The following EPHA5 variants were observed in gnomAD, a reference collection of about 807,000 sequenced individuals.
EPHA5 encodes the protein ephrin type-A receptor 5.
EPHA5 carries 60 observed loss-of-function variants against 105.0 expected under a neutral mutation model. The ratio of observed to expected loss-of-function variants is 0.57; its 90% CI spans 0.46 to 0.71. The LOEUF (loss-of-function observed/expected upper bound fraction) is 0.71. Among genes scored for constraint, EPHA5 ranks in the 30% least tolerant of loss-of-function variants. EPHA5 has a pLI of 0.00. For synonymous variants in EPHA5, 513 were observed against 449.1 expected, an observed-to-expected ratio of 1.14 and a Z score of -1.80; for missense variants, 1,218 against 1,274.7, an observed-to-expected ratio of 0.96 and a Z score of 0.68.
In EPHA5 at chr4:65,320,483, C is replaced by A; in HGVS notation, c.*3631G>T. 1 of 229,016 alleles carries A rather than the reference C, an allele frequency of 4.4e-6. No individual in the cohort carries two copies. The allele number at this position is 229,016 out of a possible 1,614,324, so 14.2% of individuals were successfully genotyped here. A position where few individuals can be genotyped will look rare whatever the true frequency, so the allele number is the denominator to read the frequency against. ...TAGGAAAAACAAAATGAGAAAGGGA[C>A]CTTATTCTACTATGTAATATAATAC... On this transcript the variant is annotated 3_prime_UTR_variant, in exon 17 of 17. Transcript: ENST00000613740.
Position 65,351,592 on chromosome 4 carries a change from C to G in EPHA5, c.2242G>C (p.Asp748His), listed in dbSNP as rs1722820508. 6 of 1,613,274 alleles carry G rather than the reference C, an allele frequency of 3.7e-6. No homozygotes were observed. The highest frequency in any genetic ancestry group is 5.1e-6 in the Non-Finnish European group (6 of 1,179,546). ...GSLDTFLKKN[D>H]GQFTVIQLVG... is the part of the protein sequence containing the mutation. The stretch of plus-strand genomic sequence containing the variant: ...AGCTGAATCACAGTGAACTGCCCAT[C>G]GTTTTTCTGTAAAGACAATGTAGAA... The change falls in exon 13 of 17, where the codon GAT becomes CAT. Residue 748 changes from aspartate to histidine, a missense_variant. This residue lies in a region of EPHA5 where 971 missense variants were observed against 1,013.5 expected (regional missense o/e 0.96). Coordinates refer to ENST00000613740, the MANE Select transcript of EPHA5 (RefSeq NM_001281766.3).
intron 3 of EPHA5, among the ~76,000 whole-genome samples, chr4:65,544,629 G>A (rs1001738726): frequency 1.1e-4 from 17 of 152,018 alleles, no homozygotes; most frequent in Non-Finnish European, 2.1e-4. Flanking sequence ...ATTGTTGGCA[G>A]GAATGTAAAT....
intron 8 of EPHA5, among the ~76,000 whole-genome samples, chr4:65,390,121 G>T (rs1176024522): frequency 6.6e-6 from 1 of 151,744 alleles, no homozygotes; most frequent in Non-Finnish European, 1.5e-5. Flanking sequence ...AACCTCTCTG[G>T]CTGGGGAAAG....
At chr4:65,518,160 G>T (rs532423496) in intron 3 of EPHA5, among the ~76,000 whole-genome samples, 1 of 151,960 alleles carries the variant, frequency 6.6e-6, no homozygotes, top group South Asian at 2.1e-4. Flanking sequence ...CAAACTTAAT[G>T]TTTGACTTTT....
intron 5 of EPHA5, among the ~76,000 whole-genome samples, chr4:65,487,332 G>A (rs571317362): frequency 2.0e-5 from 3 of 152,204 alleles, no homozygotes; most frequent in Admixed American, 1.3e-4. Flanking sequence ...TTAGTTTATG[G>A]TTTAGCTTTC....
chr4:65,602,118 C>G lies in EPHA5; in HGVS notation c.433G>C (p.Gly145Arg), dbSNP rs2149440773. 3 of 1,614,050 alleles carry G rather than the reference C, an allele frequency of 1.9e-6. No homozygotes were observed. Among genetic ancestry groups the G allele is most frequent in the Non-Finnish European group, 2.5e-6 (3 of 1,179,994 alleles). Residue 145 changes from glycine to arginine, a missense_variant, in exon 3 of 17, where the codon GGG becomes CGG. Physicochemically the swap from Gly to Arg is moderately radical, Grantham distance 125 (BLOSUM62 -2). Around this residue, in one of 3 missense-constraint regions of EPHA5, gnomAD observed 233 missense variants for 227.5 expected, o/e 1.02. Transcript: ENST00000613740. Reference protein sequence around the residue: ...RDCNSLPGGLGTCKETFNMYY... With the variant: ...RDCNSLPGGLRTCKETFNMYY... ...ATATTAAAGGTTTCCTTACAGGTCC[C>G]CAGTCCTCCAGGAAGGCTGTTGCAG...
intron 3 of EPHA5, among the ~76,000 whole-genome samples, chr4:65,500,114 TTATC>T (rs1334474723): frequency 6.6e-6 from 1 of 151,460 alleles, no homozygotes; most frequent in Non-Finnish European, 1.5e-5. Flanking sequence ...TAAGAAATAA[TTATC>T]TAGATAAGTA....
chr4:65,395,507 C>A (rs760715680), intron 8 of EPHA5, among the ~76,000 whole-genome samples: 4 of 152,058 alleles, frequency 2.6e-5, no homozygotes, highest in Admixed American at 6.5e-5. Flanking sequence ...TAAAACCTAC[C>A]GTTTTATACA....
intron 2 of EPHA5, among the ~76,000 whole-genome samples, chr4:65,617,648 T>C (rs894694483): frequency 2.0e-5 from 3 of 152,142 alleles, no homozygotes; most frequent in Non-Finnish European, 4.4e-5. Flanking sequence ...GGCCACTATT[T>C]TTTTCTTCTC....
chr4:65,595,546 C>G (rs1477154091), intron 3 of EPHA5, among the ~76,000 whole-genome samples: 1 of 151,322 alleles, frequency 6.6e-6, no homozygotes, highest in Non-Finnish European at 1.5e-5. Context: ...TGTAGCTACC[C>G]TTTATTTTAT....
rs1578704433 is a variant in EPHA5 at position 65,655,690 on chromosome 4, C to T, written c.182-12263G>A. The stretch of plus-strand genomic sequence containing the variant: ...ATGGGGGTTCTAAAACTACAGATTT[C>T]CAAGTTGCAGAAGTATAGATTTCCA... On this transcript the variant is annotated intron_variant, in intron 1 of 16. Coordinates refer to ENST00000613740, the MANE Select transcript of EPHA5 (RefSeq NM_001281766.3). Among the ~76,000 whole-genome samples the T allele has an allele frequency of 3.3e-5, 5 of 152,160 alleles. 2 individuals carry two copies. Among genetic ancestry groups the T allele is most frequent in the Admixed American group, 3.3e-4 (5 of 15,266 alleles).
chr4:65,504,606 G>A (rs1428579518), intron 3 of EPHA5, among the ~76,000 whole-genome samples: 1 of 151,916 alleles, frequency 6.6e-6, no homozygotes, highest in East Asian at 1.9e-4. Flanking sequence ...GATGGTGTAT[G>A]TCTCCATCTC....
chr4:65,341,349 C>T (rs927012381), intron 14 of EPHA5, among the ~76,000 whole-genome samples: 2 of 151,958 alleles, frequency 1.3e-5, no homozygotes, highest in African/African-American at 2.4e-5. Context: ...GTATTTTTGT[C>T]ATGAAAACCT....
intron 3 of EPHA5, among the ~76,000 whole-genome samples, chr4:65,506,676 A>G (rs1733058823): frequency 6.7e-6 from 1 of 149,394 alleles, no homozygotes; most frequent in Non-Finnish European, 1.5e-5. Context: ...TCTTCTTTTG[A>G]GAAGTGTCTG....
intron 3 of EPHA5, among the ~76,000 whole-genome samples, chr4:65,539,550 C>T (rs1198168322): frequency 6.6e-6 from 1 of 151,492 alleles, no homozygotes; most frequent in Non-Finnish European, 1.5e-5. Flanking sequence ...GGAAACCAAA[C>T]AAGTGAAGGG....
At chr4:65,592,381 G>T (rs538071059) in intron 3 of EPHA5, among the ~76,000 whole-genome samples, 1 of 151,984 alleles carries the variant, frequency 6.6e-6, no homozygotes, top group African/African-American at 2.4e-5. Context: ...GGGAAACAAG[G>T]CAACTTGAAT....
chr4:65,373,257 T>C (rs1027357796), intron 8 of EPHA5, among the ~76,000 whole-genome samples: 6 of 151,840 alleles, frequency 4.0e-5, no homozygotes, highest in African/African-American at 9.7e-5. Context: ...AAGCCTTCCA[T>C]TGAAATTTAA....
intron 3 of EPHA5, among the ~76,000 whole-genome samples, chr4:65,500,498 T>C (rs1015132975): frequency 6.6e-6 from 1 of 151,202 alleles, no homozygotes; most frequent in East Asian, 1.9e-4. Context: ...TATTTAGAAA[T>C]TTGCTGTATA....
At chr4:65,511,676 T>G (rs1733640076) in intron 3 of EPHA5, among the ~76,000 whole-genome samples, 1 of 152,144 alleles carries the variant, frequency 6.6e-6, no homozygotes, top group Non-Finnish European at 1.5e-5. Flanking sequence ...CTAAGAAAAG[T>G]TTTGTAAATC....
Sources: allele counts gnomAD v4.1 joint callset (sites outside exome capture counted in the v4.1 genomes callset), GRCh38; gene constraint gnomAD v4.1.1; regional missense constraint gnomAD v4.1.1; transcripts MANE v1.5; gene names NCBI Gene and HGNC (gene_info 2026-07-23, HGNC 2026-07-21).